Variants in DIP2B observed in about 807,000 individuals in gnomAD.
DIP2B encodes the protein DIP2 acetate--CoA ligase B (putative), also known as disco-interacting protein 2 homolog B.
DIP2B carries 76 observed loss-of-function variants against 198.0 expected under a neutral mutation model. The observed-to-expected ratio is 0.38, with a 90% CI of 0.32 to 0.46. DIP2B has a LOEUF of 0.46. Among genes scored for constraint, DIP2B ranks in the 20% least tolerant of loss-of-function variants. The pLI, the probability that DIP2B is intolerant of heterozygous loss-of-function variation, is 0.99. For missense variants in DIP2B, 1,559 were observed against 1,978.4 expected, an observed-to-expected ratio of 0.79 and a Z score of 4.02; for synonymous variants, 701 against 739.1, an observed-to-expected ratio of 0.95 and a Z score of 0.84.
chr12:50,552,249 T>C (rs1958432950), intron 1 of DIP2B, among the ~76,000 whole-genome samples: 1 of 151,906 alleles, frequency 6.6e-6, no homozygotes, highest in Admixed American at 6.6e-5. Flanking sequence ...TTTTTGTTGT[T>C]GTTGTTGAGT....
intron 1 of DIP2B, among the ~76,000 whole-genome samples, chr12:50,508,144 G>A (rs1957984389): frequency 1.3e-5 from 2 of 152,184 alleles, no homozygotes; most frequent in South Asian, 4.1e-4. Flanking sequence ...AGGTCACCAG[G>A]CAGCTTCCTG....
rs567707316 is a variant in DIP2B, at chr12:50,534,612, C to A, written c.100+29372C>A. Among the ~76,000 whole-genome samples the A allele has an allele frequency of 3.5e-3, 532 of 152,146 alleles. 1 individual carries two copies. Among genetic ancestry groups the A allele is most frequent in the Non-Finnish European group, 6.3e-3 (429 of 67,976 alleles). ...CTCCTGACCTCAGCTGATCCACCCA[C>A]CTCGGCCTCCCAAAGTGCTGGGATT... On this transcript the variant is annotated intron_variant, in intron 1 of 37. Coordinates refer to ENST00000301180, the MANE Select transcript of DIP2B (RefSeq NM_173602.3).
intron 9 of DIP2B, among the ~76,000 whole-genome samples, chr12:50,682,446 G>A (rs549245945): frequency 2.0e-5 from 3 of 152,000 alleles, no homozygotes; most frequent in Middle Eastern, 3.4e-3. Flanking sequence ...TGGCTAACAC[G>A]GTGAAACCCC....
intron 36 of DIP2B, among the ~76,000 whole-genome samples, chr12:50,740,075 C>G (rs1267667354): frequency 6.6e-6 from 1 of 152,218 alleles, no homozygotes; most frequent in Admixed American, 6.5e-5. Flanking sequence ...TGAGGATTCC[C>G]TCCCATCACC....
chr12:50,556,629 G>C (rs1398922654), intron 1 of DIP2B, among the ~76,000 whole-genome samples: 1 of 149,634 alleles, frequency 6.7e-6, no homozygotes, highest in African/African-American at 2.5e-5. Context: ...TGCAATCTCT[G>C]CCTCCCGGGT....
intron 10 of DIP2B, 36 bp from the exon 11 acceptor site, chr12:50,685,797 G>A (rs201675960): frequency 3.6e-5 from 57 of 1,598,266 alleles, no homozygotes; most frequent in South Asian, 2.2e-4. Context: ...GCTCACATTC[G>A]CTCCCCTACC....
chr12:50,582,977 T>C (rs1958738866), intron 1 of DIP2B, among the ~76,000 whole-genome samples: 1 of 152,162 alleles, frequency 6.6e-6, no homozygotes, highest in Non-Finnish European at 1.5e-5. Flanking sequence ...TAGATTAGAA[T>C]TACAAAGATG....
At chr12:50,612,840 C>G (rs1959043153) in intron 1 of DIP2B, among the ~76,000 whole-genome samples, 1 of 152,190 alleles carries the variant, frequency 6.6e-6, no homozygotes, top group Non-Finnish European at 1.5e-5. Flanking sequence ...TAAATACTTG[C>G]TAGCCTGGAT....
At chr12:50,511,840 C>T (rs1185006901) in intron 1 of DIP2B, among the ~76,000 whole-genome samples, 4 of 143,064 alleles carry the variant, frequency 2.8e-5, no homozygotes, top group East Asian at 4.4e-4. Context: ...CCCAGCTACT[C>T]GGGAAGCTGA....
chr12:50,506,979 C>T (rs1957973976), intron 1 of DIP2B, among the ~76,000 whole-genome samples: 2 of 152,196 alleles, frequency 1.3e-5, no homozygotes, highest in Admixed American at 6.5e-5. Context: ...CTGGGTATAT[C>T]TGCTTCCAGC....
chr12:50,558,027 T>C (rs1402824459), intron 1 of DIP2B, among the ~76,000 whole-genome samples: 2 of 152,102 alleles, frequency 1.3e-5, no homozygotes, highest in South Asian at 2.1e-4. Context: ...GTTAGTGTTA[T>C]AGATGGTAAA....
intron 3 of DIP2B, among the ~76,000 whole-genome samples, chr12:50,642,842 G>A (rs556934705): frequency 1.3e-5 from 2 of 152,288 alleles, no homozygotes; most frequent in East Asian, 3.9e-4. Flanking sequence ...ATCAGAGAAA[G>A]GGAGGGCTGG....
At chr12:50,642,512 G>T (rs984959665) in intron 3 of DIP2B, among the ~76,000 whole-genome samples, 1 of 152,128 alleles carries the variant, frequency 6.6e-6, no homozygotes, top group African/African-American at 2.4e-5. Context: ...GTAGGCCAGG[G>T]TGGTGGCTCA....
At chr12:50,625,945 C>A (rs1326453108) in intron 1 of DIP2B, 31 bp from the exon 2 acceptor site, 1 of 1,603,030 alleles carries the variant, frequency 6.2e-7, no homozygotes, top group Non-Finnish European at 8.5e-7. Context: ...AAGAATAATG[C>A]ATAACCTATT....
intron 21 of DIP2B, among the ~76,000 whole-genome samples, chr12:50,707,462 G>C (rs1224844262): frequency 6.6e-6 from 1 of 152,188 alleles, no homozygotes; most frequent in Non-Finnish European, 1.5e-5. Context: ...GAAGGAAGGA[G>C]GGTGTCAGGC....
At chr12:50,713,795 T>G (rs920413195) in intron 22 of DIP2B, among the ~76,000 whole-genome samples, 1 of 30,264 alleles carries the variant, frequency 3.3e-5, no homozygotes, top group Admixed American at 2.4e-4. Context: ...ACATATTGGC[T>G]GGGCATGGTA....
At chr12:50,653,203 G>A (rs1938488604) in intron 3 of DIP2B, among the ~76,000 whole-genome samples, 1 of 151,750 alleles carries the variant, frequency 6.6e-6, no homozygotes, top group Admixed American at 6.6e-5. Flanking sequence ...ACTAGTTATA[G>A]ATCTGTTGAG....
intron 30 of DIP2B, among the ~76,000 whole-genome samples, chr12:50,729,878 C>T (rs1940007405): frequency 6.6e-6 from 1 of 151,648 alleles, no homozygotes; most frequent in Non-Finnish European, 1.5e-5. Flanking sequence ...TACAGGTGCA[C>T]ACCACCACAC....
chr12:50,708,707 A>G, intron 22 of DIP2B, 145 bp downstream of exon 22: 2 of 651,752 alleles, frequency 3.1e-6, no homozygotes, highest in Non-Finnish European at 5.3e-6. Flanking sequence ...GCAAAATCAG[A>G]TAATTAATAC....
Sources: gnomAD v4.1 joint callset for allele counts (sites outside exome capture counted in the v4.1 genomes callset) on GRCh38, gnomAD v4.1.1 for gene constraint, MANE v1.5 for transcripts, NCBI Gene and HGNC (gene_info 2026-07-23, HGNC 2026-07-21) for gene names.